TTC17: variants seen among roughly 807,000 people sequenced by gnomAD.
TTC17 encodes tetratricopeptide repeat domain 17.
A neutral mutation model predicts 143.8 loss-of-function variants in TTC17; 58 were observed. The ratio of observed to expected loss-of-function variants is 0.40; its 90% CI spans 0.33 to 0.50. The LOEUF is 0.50. Among genes scored for constraint, TTC17 ranks in the 20% least tolerant of loss-of-function variants. The pLI, the probability that TTC17 is intolerant of heterozygous loss-of-function variation, is 0.49. For missense variants in TTC17, 1,273 were observed against 1,392.5 expected, an observed-to-expected ratio of 0.91 and a Z score of 1.37; for synonymous variants, 501 against 497.8, an observed-to-expected ratio of 1.01 and a Z score of -0.09.
At chr11:43,411,069 C>A (rs1858389986) in intron 15 of TTC17, among the ~76,000 whole-genome samples, 1 of 152,172 alleles carries the variant, frequency 6.6e-6, no homozygotes. Flanking sequence ...TATAAAAAGT[C>A]AAATGTTGTT....
chr11:43,378,623 A>G (rs1458993462), intron 1 of TTC17, among the ~76,000 whole-genome samples: 5 of 150,382 alleles, frequency 3.3e-5, no homozygotes, highest in Non-Finnish European at 7.5e-5. Flanking sequence ...ACATTTTGAT[A>G]TATGTTGTCA....
At chr11:43,402,837 G>A (rs1857930196) in intron 10 of TTC17, among the ~76,000 whole-genome samples, 2 of 152,104 alleles carry the variant, frequency 1.3e-5, no homozygotes, top group Admixed American at 6.6e-5. Flanking sequence ...CGTAGATACA[G>A]AAATTTCCAG....
At position 43,492,071 on chromosome 11, in the gene TTC17, A is replaced by C; in HGVS notation, c.3202A>C (p.Asn1068His). ...CATCTTGCACAATGCCAAGCTCTGG[A>C]ATGACGCCGTCATAGTAGCCACCAT... ...ANILHNAKLW[N>H]DAVIVATMAV... The change falls in exon 23 of 24, where the codon AAT (asparagine) becomes CAT (histidine). Residue 1068 changes from asparagine (N) to histidine (H), a missense_variant. By Grantham distance (68) the Asn-to-His change is moderately conservative. Transcript: ENST00000039989. 6.2e-7 allele frequency: 1 copy of C among 1,614,100 alleles called. No homozygotes were observed. Among genetic ancestry groups the C allele is most frequent in the Non-Finnish European group, 8.5e-7 (1 of 1,179,986 alleles).
intron 16 of TTC17, among the ~76,000 whole-genome samples, chr11:43,430,709 G>GCACACACA (rs10658685): frequency 0.057 from 7,905 of 138,424 alleles, 301 homozygotes; most frequent in Non-Finnish European, 0.072. Context: ...CTACATACAC[G>GCACACACA]CACACACACA....
At chr11:43,426,928 A>AGAGTCTTGTTATTTATTTATTTAT (rs1947042441) in intron 16 of TTC17, among the ~76,000 whole-genome samples, 1 of 152,208 alleles carries the variant, frequency 6.6e-6, no homozygotes, top group African/African-American at 2.4e-5. Context: ...AGGAGCTAGG[A>AGAGTCTTGTTATTTATTTATTTAT]GAGTCTTGTT....
intron 21 of TTC17, among the ~76,000 whole-genome samples, chr11:43,454,666 C>CAAATA (rs921491794): frequency 4.6e-5 from 7 of 151,916 alleles, no homozygotes; most frequent in African/African-American, 1.7e-4. Context: ...AATAAGAGAG[C>CAAATA]AAAGTTTATG....
Position 43,425,642 on chromosome 11 carries a change from CAT to C in TTC17, c.2251+10873_2251+10874del, listed in dbSNP as rs1038323166. 1.2e-4 allele frequency among the ~76,000 whole-genome samples: 18 copies of C among 152,214 alleles called. No homozygotes were observed. The East Asian group carries it at 3.3e-3, about 28-fold the overall frequency. On this transcript the variant is annotated intron_variant, in intron 16 of 23. Transcript: ENST00000039989. The stretch of plus-strand genomic sequence containing the variant: ...AACACATAAGACTGAGGATGTCTGC[CAT>C]ATATATGTGTACATGTGTATGCTGT...
chr11:43,407,069 T>C (rs1858173418), intron 13 of TTC17, 69 bp from the exon 14 acceptor site: 1 of 1,071,760 alleles, frequency 9.3e-7, no homozygotes, highest in South Asian at 1.5e-5. Flanking sequence ...GACTGCCATC[T>C]ATAGAAATTC....
chr11:43,401,953 G>A (rs954608690), intron 10 of TTC17, among the ~76,000 whole-genome samples: 1 of 151,140 alleles, frequency 6.6e-6, no homozygotes, highest in African/African-American at 2.4e-5. Context: ...ACTCCAGCCT[G>A]GGCAACAGAG....
chr11:43,491,421 G>A (rs2134495836), intron 22 of TTC17: 1 of 152,360 alleles, frequency 6.6e-6, no homozygotes, highest in African/African-American at 2.4e-5. Flanking sequence ...TTCCCGAAAA[G>A]GGCAAGAGAA....
chr11:43,379,665 G>A (rs981314687), intron 2 of TTC17, among the ~76,000 whole-genome samples: 1 of 151,980 alleles, frequency 6.6e-6, no homozygotes, highest in African/African-American at 2.4e-5. Context: ...AGAATAATCT[G>A]GATAAAATAT....
chr11:43,369,368 C>T (rs1856475531), intron 1 of TTC17, among the ~76,000 whole-genome samples: 1 of 152,150 alleles, frequency 6.6e-6, no homozygotes, highest in African/African-American at 2.4e-5. Context: ...AATACGTGTC[C>T]CTTACCTAGA....
At chr11:43,459,017 G>A (rs1030415264) in intron 21 of TTC17, among the ~76,000 whole-genome samples, 4 of 152,196 alleles carry the variant, frequency 2.6e-5, no homozygotes, top group Non-Finnish European at 5.9e-5. Context: ...GGCATACACC[G>A]GGGGTCTTGG....
intron 16 of TTC17, among the ~76,000 whole-genome samples, chr11:43,438,226 C>T (rs374905628): frequency 1.1e-4 from 16 of 152,160 alleles, no homozygotes; most frequent in East Asian, 3.9e-4. Context: ...GGCACGATCT[C>T]GGCTCACTGC....
At chr11:43,391,748 C>T in intron 4 of TTC17, 73 bp from the exon 5 acceptor site, 1 of 1,552,984 alleles carries the variant, frequency 6.4e-7, no homozygotes, top group East Asian at 2.3e-5. Context: ...AAAATAAACA[C>T]TACAAGATAC....
chr11:43,397,425 G>C lies in TTC17; in HGVS notation c.852G>C (p.Val284=), dbSNP rs533789906. The C allele has an allele frequency of 2.5e-6, 4 of 1,613,450 alleles. No homozygotes were observed. The African/African-American group carries it at 5.3e-5, about 22-fold the overall frequency. Residue 284 remains valine, a synonymous_variant, in exon 7 of 24, where the codon GTG becomes GTC. Coordinates refer to ENST00000039989, the MANE Select transcript of TTC17 (RefSeq NM_018259.6). Reference sequence around the variant, plus strand: ...ACTTCTCTGCTGATGCTGCTGTCGTGGTCCATGCAGCTCTGGATGACAGTG... The same window carrying C: ...ACTTCTCTGCTGATGCTGCTGTCGTCGTCCATGCAGCTCTGGATGACAGTG... The part of the protein sequence containing the change: ...RAHFSADAAV[V]VHAALDDSDF...
At chr11:43,422,929 G>A (rs984651041) in intron 16 of TTC17, among the ~76,000 whole-genome samples, 1 of 152,206 alleles carries the variant, frequency 6.6e-6, no homozygotes, top group Non-Finnish European at 1.5e-5. Context: ...AAGCCCTGCA[G>A]CATGTTTCAG....
chr11:43,363,592 G>A (rs1182507899), intron 1 of TTC17, among the ~76,000 whole-genome samples: 1 of 152,078 alleles, frequency 6.6e-6, no homozygotes, highest in Non-Finnish European at 1.5e-5. Context: ...TTTAATATTC[G>A]TATTCTTTGT....
At chr11:43,405,732 T>G in intron 12 of TTC17, 54 bp from the exon 13 acceptor site, 1 of 1,612,336 alleles carries the variant, frequency 6.2e-7, no homozygotes, top group South Asian at 1.1e-5. Context: ...AGTCTTTATC[T>G]TGAAGTCACC....
Sources: gnomAD v4.1 joint callset for allele counts (sites outside exome capture counted in the v4.1 genomes callset) on GRCh38, gnomAD v4.1.1 for gene constraint, MANE v1.5 for transcripts, NCBI Gene and HGNC (gene_info 2026-07-23, HGNC 2026-07-21) for gene names.